Variants in PALM2AKAP2 observed in about 807,000 individuals in gnomAD.
PALM2AKAP2 encodes PALM2-AKAP2 fusion protein.
In PALM2AKAP2, 37 loss-of-function variants were observed where a neutral mutation model predicts 71.5. The observed-to-expected ratio is 0.52, with a 90% CI of 0.40 to 0.68. The LOEUF (loss-of-function observed/expected upper bound fraction) is 0.68. Among genes scored for constraint, PALM2AKAP2 ranks in the 30% least tolerant of loss-of-function variants. The pLI is 0.00. For missense variants in PALM2AKAP2, 1,224 were observed against 1,191.8 expected (o/e 1.03, Z -0.40); for synonymous variants, 468 against 478.8 (o/e 0.98, Z 0.29).
chr9:109,896,166 C>T (rs1054688546), intron 3 of PALM2AKAP2, among the ~76,000 whole-genome samples: 16 of 151,982 alleles, frequency 1.1e-4, no homozygotes, highest in African/African-American at 2.9e-4. Context: ...GCCTGGGCAA[C>T]AAGAGTGAAA....
intron 2 of PALM2AKAP2, among the ~76,000 whole-genome samples, chr9:109,876,272 A>T (rs1239266535): frequency 6.6e-6 from 1 of 152,166 alleles, no homozygotes; most frequent in Non-Finnish European, 1.5e-5. Flanking sequence ...AGTATACACC[A>T]TTCCATTTGG....
intron 3 of PALM2AKAP2, among the ~76,000 whole-genome samples, chr9:109,902,715 TCTAA>T (rs1176930345): frequency 1.3e-5 from 2 of 152,300 alleles, no homozygotes; most frequent in East Asian, 3.9e-4. Flanking sequence ...CATGACAGAG[TCTAA>T]CTGTCAGTTT....
At position 110,107,085 on chromosome 9, in the gene PALM2AKAP2, T is replaced by C. The variant is rs143898590; in HGVS notation, c.157-29042T>C. On this transcript the variant is annotated intron_variant, in intron 1 of 3. Transcript: ENST00000374525. ...ATTATCTATTGGGGATATATTCTTATGGGAGACTTACTCTCCACCCAGGCA... is the reference window on the plus strand; with the variant it reads ...ATTATCTATTGGGGATATATTCTTACGGGAGACTTACTCTCCACCCAGGCA... 2.8e-3 allele frequency among the ~76,000 whole-genome samples: 423 copies of C among 152,364 alleles called. 1 individual carries two copies. Among genetic ancestry groups the C allele is most frequent in the Middle Eastern group, 0.014 (4 of 294 alleles).
At chr9:109,918,872 A>G (rs538764256) in intron 3 of PALM2AKAP2, among the ~76,000 whole-genome samples, 8 of 152,304 alleles carry the variant, frequency 5.3e-5, no homozygotes, top group African/African-American at 1.9e-4. Flanking sequence ...TGTTATCACA[A>G]AGGTTTCATT....
chr9:110,005,274 A>C (rs1832756304), intron 6 of PALM2AKAP2, among the ~76,000 whole-genome samples: 1 of 152,072 alleles, frequency 6.6e-6, no homozygotes, highest in African/African-American at 2.4e-5. Flanking sequence ...GGTCTGTTGG[A>C]GTTTGGTGAA....
intron 3 of PALM2AKAP2, among the ~76,000 whole-genome samples, chr9:109,909,553 T>C (rs1032742894): frequency 2.0e-5 from 3 of 152,180 alleles, no homozygotes; most frequent in African/African-American, 4.8e-5. Flanking sequence ...GAAAAAGTGA[T>C]GGTAATTATC....
At chr9:109,997,878 A>G (rs1392532501) in intron 6 of PALM2AKAP2, among the ~76,000 whole-genome samples, 1 of 152,228 alleles carries the variant, frequency 6.6e-6, no homozygotes, top group East Asian at 1.9e-4. Context: ...AGGCCCCATC[A>G]GCTTATCCTG....
intron 2 of PALM2AKAP2, among the ~76,000 whole-genome samples, chr9:109,872,634 T>A (rs1421830260): frequency 1.3e-5 from 2 of 152,240 alleles, no homozygotes; most frequent in Non-Finnish European, 2.9e-5. Flanking sequence ...CAGCCTTTTC[T>A]TCCAAGAAAG....
intron 6 of PALM2AKAP2, chr9:109,946,256 A>T (rs1457391093): frequency 1.3e-5 from 2 of 152,148 alleles, no homozygotes; most frequent in East Asian, 3.8e-4. Context: ...CTCTCTGTAA[A>T]TTTTATTATG....
At chr9:109,990,191 C>T (rs543398251) in intron 6 of PALM2AKAP2, among the ~76,000 whole-genome samples, 28 of 151,386 alleles carry the variant, frequency 1.8e-4, no homozygotes, top group African/African-American at 6.0e-4. Flanking sequence ...CGTGCCTCAG[C>T]CTCCCACGTA....
chr9:109,644,547 G>A (rs1207101123), intron 1 of PALM2AKAP2, among the ~76,000 whole-genome samples: 1 of 152,188 alleles, frequency 6.6e-6, no homozygotes, highest in African/African-American at 2.4e-5. Flanking sequence ...CAGTAAATAT[G>A]TGTGTATACT....
intron 1 of PALM2AKAP2, among the ~76,000 whole-genome samples, chr9:109,808,458 C>T (rs1180733223): frequency 6.6e-6 from 1 of 152,178 alleles, no homozygotes; most frequent in African/African-American, 2.4e-5. Flanking sequence ...GGCAGAAGAA[C>T]TTTCTAAGCA....
chr9:109,888,618 G>A (rs1830018435), intron 3 of PALM2AKAP2, among the ~76,000 whole-genome samples: 1 of 141,600 alleles, frequency 7.1e-6, no homozygotes, highest in African/African-American at 2.7e-5. Context: ...GCTGAGGCAG[G>A]AAAATCACTT....
intron 3 of PALM2AKAP2, among the ~76,000 whole-genome samples, chr9:109,902,287 T>C (rs1003187822): frequency 2.6e-5 from 4 of 152,254 alleles, no homozygotes; most frequent in African/African-American, 7.2e-5. Context: ...TAGCGCATAG[T>C]GAGTTCCCAG....
At chr9:110,040,489 C>T (rs260205) in intron 7 of PALM2AKAP2, among the ~76,000 whole-genome samples, 101,546 of 152,016 alleles carry the variant, frequency 0.67, 34,477 homozygotes, top group African/African-American at 0.8. Flanking sequence ...TCAAGACTAC[C>T]GCAAAGACTA....
chr9:110,167,505 T>G (rs1217749827), intron 3 of PALM2AKAP2, among the ~76,000 whole-genome samples: 1 of 151,886 alleles, frequency 6.6e-6, no homozygotes, highest in East Asian at 1.9e-4. Context: ...CTGGACCAGA[T>G]AGGCTGAAGT....
intron 6 of PALM2AKAP2, among the ~76,000 whole-genome samples, chr9:109,953,644 T>A (rs971868049): frequency 3.9e-5 from 6 of 151,958 alleles, no homozygotes; most frequent in Admixed American, 3.9e-4. Context: ...GAGACCATCC[T>A]GGCCAACATG....
intron 1 of PALM2AKAP2, among the ~76,000 whole-genome samples, chr9:110,054,071 A>G (rs1299297192): frequency 6.6e-6 from 1 of 152,254 alleles, no homozygotes; most frequent in Non-Finnish European, 1.5e-5. Flanking sequence ...TTGGTCTGTC[A>G]CATAAACAAA....
intron 3 of PALM2AKAP2, among the ~76,000 whole-genome samples, chr9:109,883,280 G>A (rs774101713): frequency 6.6e-6 from 1 of 152,202 alleles, no homozygotes. Context: ...TATGCAGGCA[G>A]TCTCACCCAT....
Sources: gnomAD v4.1 joint callset for allele counts (sites outside exome capture counted in the v4.1 genomes callset) on GRCh38, gnomAD v4.1.1 for gene constraint, MANE v1.5 for transcripts, NCBI Gene and HGNC (gene_info 2026-07-23, HGNC 2026-07-21) for gene names.